Variants in ATP8B1 observed in about 807,000 individuals in gnomAD.
ATP8B1 encodes ATPase phospholipid transporting 8B1, also known as phospholipid-transporting ATPase IC.
A neutral mutation model predicts 149.9 loss-of-function variants in ATP8B1; 80 were observed. The observed-to-expected ratio is 0.53, with a 90% CI of 0.45 to 0.64. The LOEUF (loss-of-function observed/expected upper bound fraction) is 0.64. Ranked by LOEUF, ATP8B1 falls within the 30% of genes least tolerant of loss-of-function variation. The pLI is 0.00. For synonymous variants in ATP8B1, 536 were observed against 562.8 expected, an observed-to-expected ratio of 0.95 and a Z score of 0.67; for missense variants, 1,247 against 1,552.6, an observed-to-expected ratio of 0.80 and a Z score of 3.31.
At chr18:57,747,207 C>T (rs1317819798) in intron 1 of ATP8B1, among the ~76,000 whole-genome samples, 4 of 152,114 alleles carry the variant, frequency 2.6e-5, no homozygotes, top group African/African-American at 9.7e-5. Context: ...AATCCCAGCA[C>T]TTTGGGAAGC....
intron 4 of ATP8B1, among the ~76,000 whole-genome samples, chr18:57,704,119 A>G (rs968360215): frequency 6.6e-6 from 1 of 152,070 alleles, no homozygotes; most frequent in African/African-American, 2.4e-5. Flanking sequence ...GGCATGCACC[A>G]TCACGCCTGG....
chr18:57,760,110 GCCAATCTCTC>G (rs2080133737), intron 1 of ATP8B1, among the ~76,000 whole-genome samples: 2 of 152,066 alleles, frequency 1.3e-5, no homozygotes, highest in African/African-American at 2.4e-5. Flanking sequence ...TTCCAAATTG[GCCAATCTCTC>G]CCAATCTCTC....
intron 2 of ATP8B1, among the ~76,000 whole-genome samples, chr18:57,707,802 T>C (rs1913483697): frequency 2.0e-5 from 3 of 151,366 alleles, no homozygotes; most frequent in Admixed American, 1.3e-4. Context: ...CCACTGTGCC[T>C]GGCAAAATGA....
At chr18:57,703,138 C>G (rs1438171028) in intron 4 of ATP8B1, among the ~76,000 whole-genome samples, 1 of 152,136 alleles carries the variant, frequency 6.6e-6, no homozygotes, top group Non-Finnish European at 1.5e-5. Context: ...TTTCTCCTTA[C>G]CATCGTCTCT....
At chr18:57,696,795 C>T (rs566759249) in intron 8 of ATP8B1, among the ~76,000 whole-genome samples, 2 of 152,262 alleles carry the variant, frequency 1.3e-5, no homozygotes, top group South Asian at 2.1e-4. Context: ...GAATAATATT[C>T]GTCTCACATG....
At chr18:57,691,346 G>A (rs1307051204) in intron 12 of ATP8B1, among the ~76,000 whole-genome samples, 1 of 152,136 alleles carries the variant, frequency 6.6e-6, no homozygotes, top group Non-Finnish European at 1.5e-5. Flanking sequence ...TTTCCTACTA[G>A]GAGGTAGTGG....
intron 17 of ATP8B1, among the ~76,000 whole-genome samples, chr18:57,669,995 G>A (rs1443611482): frequency 6.6e-6 from 1 of 152,066 alleles, no homozygotes; most frequent in Non-Finnish European, 1.5e-5. Flanking sequence ...TAGGGTCCAG[G>A]ACTGCACTTC....
At chr18:57,712,261 C>T (rs1392025460) in intron 2 of ATP8B1, among the ~76,000 whole-genome samples, 1 of 152,014 alleles carries the variant, frequency 6.6e-6, no homozygotes, top group South Asian at 2.1e-4. Context: ...GAAAAATAGT[C>T]TTGAATTGCC....
Position 57,674,845 on chromosome 18 carries a change from A to G in ATP8B1, c.1808T>C (p.Met603Thr). The change falls in exon 16 of 28, where the codon ATG (methionine) becomes ACG (threonine). Residue 603 changes from methionine (M) to threonine (T), a missense_variant. Around this residue, in one of 3 missense-constraint regions of ATP8B1, gnomAD observed 853 missense variants for 1,035.7 expected, o/e 0.82. Transcript: ENST00000648908. ...TGAGGGGGACTTACCAATGATAGAC[A>G]TTCGCTTCCGGTCACTGTTGAAGTC... ...ILDFNSDRKR[M>T]SIIVRTPEGN... The G allele has an allele frequency of 1.2e-6, 2 of 1,614,142 alleles. No individual in the cohort carries two copies. Among genetic ancestry groups the G allele is most frequent in the Non-Finnish European group, 1.7e-6 (2 of 1,179,984 alleles).
At chr18:57,670,214 A>G (rs317842) in intron 17 of ATP8B1, among the ~76,000 whole-genome samples, 61,460 of 151,992 alleles carry the variant, frequency 0.4, 12,791 homozygotes, top group East Asian at 0.66. Flanking sequence ...ACTCTCCACT[A>G]AGCATTATTC....
intron 1 of ATP8B1, among the ~76,000 whole-genome samples, chr18:57,742,920 T>G (rs531456542): frequency 1.3e-5 from 2 of 152,204 alleles, no homozygotes; most frequent in South Asian, 4.2e-4. Context: ...TCTCAAAACC[T>G]TGACATTTCA....
intron 2 of ATP8B1, among the ~76,000 whole-genome samples, chr18:57,708,721 C>G (rs746639886): frequency 3.3e-5 from 5 of 152,138 alleles, no homozygotes; most frequent in Non-Finnish European, 7.4e-5. Flanking sequence ...AGAAATAACT[C>G]AAGTGGAAAG....
At chr18:57,774,418 C>T (rs2080289147) in intron 1 of ATP8B1, among the ~76,000 whole-genome samples, 1 of 152,092 alleles carries the variant, frequency 6.6e-6, no homozygotes, top group African/African-American at 2.4e-5. Context: ...GCCAACATGG[C>T]GAAGCCCCGT....
At chr18:57,759,825 G>GAAA (rs113979064) in intron 1 of ATP8B1, among the ~76,000 whole-genome samples, 4 of 128,416 alleles carry the variant, frequency 3.1e-5, no homozygotes, top group Non-Finnish European at 3.2e-5. Flanking sequence ...TCTCGGGAAA[G>GAAA]AAAAAAAAAA....
intron 2 of ATP8B1, among the ~76,000 whole-genome samples, chr18:57,710,363 T>A (rs1913628824): frequency 6.6e-6 from 1 of 152,164 alleles, no homozygotes; most frequent in Admixed American, 6.5e-5. Context: ...GTTGTCAATA[T>A]ATCTAAATAT....
At position 57,744,322 on chromosome 18, in the gene ATP8B1, A is replaced by G. The variant is rs573936685; in HGVS notation, c.-25-12490T>C. On this transcript the variant is annotated intron_variant, in intron 1 of 27. Coordinates refer to ENST00000648908, the MANE Select transcript of ATP8B1 (RefSeq NM_001374385.1). ...GAGACTGTCTCAAAAAAAAAAAAAAAAAAGAAAGAAATACAGGCCTGAACT... is the reference window on the plus strand; with the variant it reads ...GAGACTGTCTCAAAAAAAAAAAAAAGAAAGAAAGAAATACAGGCCTGAACT... 1.7e-3 allele frequency among the ~76,000 whole-genome samples: 258 copies of G among 151,022 alleles called. 5 individuals carry two copies. The highest frequency in any genetic ancestry group is 5.3e-4 in the Non-Finnish European group (36 of 67,764).
intron 8 of ATP8B1, among the ~76,000 whole-genome samples, chr18:57,697,073 TA>T (rs1423378689): frequency 2.0e-5 from 3 of 151,966 alleles, no homozygotes; most frequent in African/African-American, 7.2e-5. Context: ...CCAGCCTGGC[TA>T]ACATGGTGAA....
intron 2 of ATP8B1, among the ~76,000 whole-genome samples, chr18:57,716,913 G>A (rs1043955380): frequency 6.6e-6 from 1 of 152,048 alleles, no homozygotes; most frequent in Admixed American, 6.6e-5. Flanking sequence ...AAGACAGAAC[G>A]TATATTAAGT....
chr18:57,725,961 G>A (rs1169936227), intron 2 of ATP8B1, among the ~76,000 whole-genome samples: 2 of 152,222 alleles, frequency 1.3e-5, no homozygotes, highest in Non-Finnish European at 2.9e-5. Flanking sequence ...TGAGCATGGT[G>A]GCTCACGCCT....
Sources: gnomAD v4.1 joint callset for allele counts (sites outside exome capture counted in the v4.1 genomes callset) on GRCh38, gnomAD v4.1.1 for gene constraint, gnomAD v4.1.1 regional missense constraint, MANE v1.5 for transcripts, NCBI Gene and HGNC (gene_info 2026-07-23, HGNC 2026-07-21) for gene names.